Variants in ARAP1 observed in about 807,000 individuals in gnomAD.
The protein encoded by ARAP1 is arf-GAP with Rho-GAP domain, ANK repeat and PH domain-containing protein 1.
In ARAP1, 76 loss-of-function variants were observed where a neutral mutation model predicts 172.2. The ratio of observed to expected loss-of-function variants is 0.44; its 90% CI spans 0.37 to 0.53. The LOEUF is 0.53. Among genes scored for constraint, ARAP1 ranks in the 20% least tolerant of loss-of-function variants. ARAP1 has a pLI of 0.00. For missense variants in ARAP1, 1,686 were observed against 1,977.5 expected, an observed-to-expected ratio of 0.85 and a Z score of 2.80; for synonymous variants, 804 against 803.3, an observed-to-expected ratio of 1.00 and a Z score of -0.01.
At chr11:72,748,533 A>AG (rs1858441368) in intron 1 of ARAP1, among the ~76,000 whole-genome samples, 1 of 151,740 alleles carries the variant, frequency 6.6e-6, no homozygotes, top group African/African-American at 2.4e-5. Flanking sequence ...AAAAAAAAAA[A>AG]TGATTTGTTA....
At chr11:72,698,638 C>G (rs762921313) in intron 18 of ARAP1, among the ~76,000 whole-genome samples, 1 of 152,184 alleles carries the variant, frequency 6.6e-6, no homozygotes, top group Non-Finnish European at 1.5e-5. Context: ...CTCCCGGTGG[C>G]CTCCCTGCCT....
At chr11:72,696,514 T>TC in intron 23 of ARAP1, 35 bp downstream of exon 23, 1 of 1,452,166 alleles carries the variant, frequency 6.9e-7, no homozygotes, top group South Asian at 1.5e-5. Flanking sequence ...CTTCATCCCA[T>TC]CCCCCCAGAA....
chr11:72,685,959 GGGCAATCATCTACTGTGGAGTAGAA>G (rs745426644), intron 34 of ARAP1, 58 bp downstream of exon 34: 2 of 1,609,998 alleles, frequency 1.2e-6, no homozygotes, highest in African/African-American at 2.7e-5. Context: ...AGGGCAATCA[GGGCAATCATCTACTGTGGAGTAGAA>G]GGCAGGCACC....
At chr11:72,723,407 G>A (rs1857589674) in intron 3 of ARAP1, among the ~76,000 whole-genome samples, 1 of 152,128 alleles carries the variant, frequency 6.6e-6, no homozygotes, top group Non-Finnish European at 1.5e-5. Context: ...CATGAGCCTG[G>A]TTCTGAGAGT....
chr11:72,720,627 A>T (rs1236498420), intron 3 of ARAP1, among the ~76,000 whole-genome samples: 5 of 152,052 alleles, frequency 3.3e-5, no homozygotes, highest in Admixed American at 2.6e-4. Context: ...AACTCTCCAT[A>T]CAGCAGTGCC....
chr11:72,745,555 C>G (rs1176643802), intron 1 of ARAP1, among the ~76,000 whole-genome samples: 1 of 151,858 alleles, frequency 6.6e-6, no homozygotes, highest in Non-Finnish European at 1.5e-5. Context: ...GCTCACACAT[C>G]AAGGGGTGCA....
chr11:72,705,846 G>C lies in ARAP1; in HGVS notation c.1768C>G (p.Leu590Val). Residue 590 changes from leucine to valine, a missense_variant, in exon 13 of 35, where the codon CTG becomes GTG. By Grantham distance (32) the Leu-to-Val change is conservative. Around this residue, in one of 5 missense-constraint regions of ARAP1, gnomAD observed 688 missense variants for 856.9 expected, o/e 0.80. Coordinates refer to ENST00000393609, the MANE Select transcript of ARAP1 (RefSeq NM_001040118.3). Reference protein sequence around the residue: ...LGAGVSKVRSLKMDRKVWTET... With the variant: ...LGAGVSKVRSVKMDRKVWTET... ...GTCCACACCTTCCTGTCCATCTTCAGGCTCCGCACCTTGGAGACGCCAGCG... is the reference window on the plus strand; with the variant it reads ...GTCCACACCTTCCTGTCCATCTTCACGCTCCGCACCTTGGAGACGCCAGCG... The C allele has an allele frequency of 6.2e-7, 1 of 1,614,156 alleles. No individual in the cohort carries two copies. The highest frequency in any genetic ancestry group is 1.1e-5 in the South Asian group (1 of 91,088).
chr11:72,748,293 G>T (rs546087293), intron 1 of ARAP1, among the ~76,000 whole-genome samples: 1 of 152,100 alleles, frequency 6.6e-6, no homozygotes, highest in East Asian at 1.9e-4. Flanking sequence ...AGGCCAAGGC[G>T]GGCGGATCAC....
At chr11:72,689,945 T>C (rs1435224086) in intron 30 of ARAP1, among the ~76,000 whole-genome samples, 1 of 152,046 alleles carries the variant, frequency 6.6e-6, no homozygotes, top group East Asian at 1.9e-4. Context: ...CTGGGAGCAC[T>C]AGAGCAATCG....
chr11:72,711,103 G>T lies in ARAP1; in HGVS notation c.1131C>A (p.Ile377=). 6.2e-7 allele frequency: 1 copy of T among 1,614,232 alleles called. No individual in the cohort carries two copies. Among genetic ancestry groups the T allele is most frequent in the Non-Finnish European group, 8.5e-7 (1 of 1,180,038 alleles). The change falls in exon 9 of 35, where the codon ATC becomes ATA. Residue 377 remains isoleucine, a synonymous_variant. Coordinates refer to ENST00000393609, the MANE Select transcript of ARAP1 (RefSeq NM_001040118.3). The part of the protein sequence containing the change: ...YSKRFISVAC[I]SHVAAIGDQK... ...GGTCCCCGATGGCAGCCACGTGGGA[G>T]ATGCAGGCCACAGAGATAAAGCGCT...
chr11:72,694,517 G>C (rs1856088924), intron 27 of ARAP1, among the ~76,000 whole-genome samples: 1 of 152,016 alleles, frequency 6.6e-6, no homozygotes, highest in Non-Finnish European at 1.5e-5. Context: ...GCAATGCCAA[G>C]GGTCTTTCCT....
intron 8 of ARAP1, 24 bp downstream of exon 8, chr11:72,711,406 C>T (rs752653809): frequency 2.7e-5 from 44 of 1,609,192 alleles, no homozygotes; most frequent in South Asian, 4.4e-5. Flanking sequence ...GCAGGGGTCG[C>T]GTCAGGACTG....
intron 12 of ARAP1, among the ~76,000 whole-genome samples, chr11:72,706,492 A>G (rs1856768311): frequency 6.6e-6 from 1 of 152,058 alleles, no homozygotes; most frequent in Admixed American, 6.5e-5. Context: ...TCTGGCACAC[A>G]GTGGCCAGAA....
chr11:72,749,616 G>C (rs1182581733), intron 1 of ARAP1, among the ~76,000 whole-genome samples: 1 of 152,008 alleles, frequency 6.6e-6, no homozygotes, highest in Non-Finnish European at 1.5e-5. Context: ...GGGAGTGGTG[G>C]CTCACACCTG....
chr11:72,697,874 G>A (rs755969467), intron 19 of ARAP1, 37 bp downstream of exon 19: 30 of 1,529,806 alleles, frequency 2.0e-5, no homozygotes, highest in Non-Finnish European at 2.5e-5. Context: ...AGGATAGGGT[G>A]CCCTGGAGGC....
At chr11:72,714,505 G>A (rs983276478) in intron 3 of ARAP1, among the ~76,000 whole-genome samples, 184 bp from the exon 4 acceptor site, 6 of 152,072 alleles carry the variant, frequency 3.9e-5, no homozygotes, top group Admixed American at 1.3e-4. Flanking sequence ...CTGGTTCCCC[G>A]AAGCCTAAAG....
rs1186755877 is a variant in ARAP1 at position 72,741,892 on chromosome 11, GACTTGGTGGGCTCCTCTGTACCCCAGA to G, written c.-127-9322_-127-9296del. On this transcript the variant is annotated intron_variant, in intron 1 of 34. Transcript: ENST00000393609. This position sits in a 1 kb window ranked among gnomAD's most constrained non-coding sequence, Gnocchi z 4.5. ...AAGCTCCTGCCCACCAAGGAGGAGG[GACTTGGTGGGCTCCTCTGTACCCCAGA>G]ACTAGGGGTGCAGGGGAACAGGGAC... Among the ~76,000 whole-genome samples, 4 of 152,164 alleles carry G rather than the reference GACTTGGTGGGCTCCTCTGTACCCCAGA, an allele frequency of 2.6e-5. No homozygotes were observed.
intron 8 of ARAP1, 64 bp downstream of exon 8, chr11:72,711,366 G>T: frequency 6.4e-7 from 1 of 1,561,392 alleles, no homozygotes; most frequent in South Asian, 1.1e-5. Flanking sequence ...ACGCCACCTC[G>T]CTCCAGTGTT....
At chr11:72,739,692 G>A (rs1237478894) in intron 1 of ARAP1, among the ~76,000 whole-genome samples, 1 of 152,210 alleles carries the variant, frequency 6.6e-6, no homozygotes, top group African/African-American at 2.4e-5. Flanking sequence ...CACCGCATGT[G>A]TACTGGAGGC....
Sources: gnomAD v4.1 joint callset for allele counts (sites outside exome capture counted in the v4.1 genomes callset) on GRCh38, gnomAD v4.1.1 for gene constraint, gnomAD v4.1.1 regional missense constraint, Gnocchi (gnomAD v3.1) non-coding constraint, MANE v1.5 for transcripts, NCBI Gene and HGNC (gene_info 2026-07-23, HGNC 2026-07-21) for gene names.